CDH18: variants seen among roughly 807,000 people sequenced by gnomAD.
The protein encoded by CDH18 is cadherin-18.
Under a neutral mutation model 67.9 loss-of-function variants are expected in CDH18, and 31 were observed. That is an observed-to-expected ratio of 0.46 (90% CI 0.34 to 0.62). The LOEUF is 0.62. Ranked by LOEUF, CDH18 falls within the 20% of genes least tolerant of loss-of-function variation. CDH18 has a pLI of 0.01. For missense variants in CDH18, 890 were observed against 975.5 expected (o/e 0.91, Z 1.17); for synonymous variants, 362 against 347.2 (o/e 1.04, Z -0.48).
intron 7 of CDH18, among the ~76,000 whole-genome samples, chr5:19,576,450 C>T (rs1742331504): frequency 6.6e-6 from 1 of 151,548 alleles, no homozygotes; most frequent in Non-Finnish European, 1.5e-5. Flanking sequence ...ATAGATATTT[C>T]TCAAAAAATG....
chr5:20,562,991 G>A (rs543176009), intron 1 of CDH18, among the ~76,000 whole-genome samples: 39 of 142,554 alleles, frequency 2.7e-4, no homozygotes, highest in African/African-American at 9.9e-4. Context: ...GAGAAGGTAG[G>A]TTTTTTTTTT....
At chr5:20,138,135 C>A (rs2126509798) in intron 2 of CDH18, among the ~76,000 whole-genome samples, 1 of 152,140 alleles carries the variant, frequency 6.6e-6, no homozygotes, top group Middle Eastern at 3.4e-3. Flanking sequence ...TTGGCTTCAT[C>A]CCTGGGATGC....
intron 2 of CDH18, among the ~76,000 whole-genome samples, chr5:19,950,965 G>A (rs1325324265): frequency 1.3e-5 from 2 of 152,124 alleles, no homozygotes; most frequent in Admixed American, 6.6e-5. Flanking sequence ...CTTAGATTAG[G>A]TTATTCATTG....
At chr5:19,848,088 C>T (rs992042945) in intron 2 of CDH18, 21 of 152,154 alleles carry the variant, frequency 1.4e-4, no homozygotes, top group African/African-American at 5.1e-4. Flanking sequence ...GCAGAGGCCA[C>T]TGAGTTGTAT....
intron 5 of CDH18, among the ~76,000 whole-genome samples, chr5:19,694,679 G>T (rs1333802055): frequency 2.0e-5 from 3 of 151,750 alleles, no homozygotes; most frequent in Non-Finnish European, 1.5e-5. Flanking sequence ...GTGTGTGTCT[G>T]TGTGTGTTTA....
chr5:20,227,684 G>A (rs1406892600), intron 2 of CDH18, among the ~76,000 whole-genome samples: 1 of 151,302 alleles, frequency 6.6e-6, no homozygotes, highest in Admixed American at 6.6e-5. Context: ...ACAGGGTATC[G>A]CTATGTTGCT....
At chr5:20,366,384 C>T (rs867230038) in intron 1 of CDH18, among the ~76,000 whole-genome samples, 1 of 152,152 alleles carries the variant, frequency 6.6e-6, no homozygotes, top group African/African-American at 2.4e-5. Flanking sequence ...TTTTCCTGTT[C>T]CAATGACATG....
chr5:20,100,979 G>A (rs893114475), intron 2 of CDH18, among the ~76,000 whole-genome samples: 1 of 151,854 alleles, frequency 6.6e-6, no homozygotes, highest in Admixed American at 6.6e-5. Flanking sequence ...CTAAGACAGG[G>A]TCTCACTCCA....
At chr5:19,900,901 G>A (rs1212779888) in intron 2 of CDH18, among the ~76,000 whole-genome samples, 1 of 151,970 alleles carries the variant, frequency 6.6e-6, no homozygotes, top group Non-Finnish European at 1.5e-5. Context: ...CAGTAAAGAC[G>A]AGCCTTCCAA....
chr5:20,561,243 A>G (rs1199433852), intron 1 of CDH18, among the ~76,000 whole-genome samples: 1 of 152,130 alleles, frequency 6.6e-6, no homozygotes, highest in Admixed American at 6.6e-5. Context: ...ATCTAGAGTC[A>G]TGTTCTTTGG....
chr5:20,319,153 A>T (rs955275500), intron 1 of CDH18, among the ~76,000 whole-genome samples: 2 of 152,264 alleles, frequency 1.3e-5, no homozygotes, highest in Non-Finnish European at 1.5e-5. Context: ...ATTAAGACAC[A>T]CAGTACTTTT....
intron 1 of CDH18, among the ~76,000 whole-genome samples, chr5:20,320,577 A>G (rs1296702220): frequency 6.6e-6 from 1 of 152,194 alleles, no homozygotes; most frequent in Non-Finnish European, 1.5e-5. Flanking sequence ...CAATGAGGTA[A>G]ACAGTCAGTC....
chr5:19,548,865 C>T (rs1247695537), intron 8 of CDH18, among the ~76,000 whole-genome samples: 6 of 151,720 alleles, frequency 4.0e-5, no homozygotes, highest in Non-Finnish European at 5.9e-5. Flanking sequence ...ATTCTCTTGC[C>T]TCAGCCTCCC....
chr5:19,618,869 G>A (rs1034938439), intron 5 of CDH18, among the ~76,000 whole-genome samples: 12 of 152,076 alleles, frequency 7.9e-5, no homozygotes, highest in South Asian at 2.1e-4. Flanking sequence ...AAGAGATTTC[G>A]ATATATGTAA....
chr5:20,094,590 C>T (rs1745720092), intron 2 of CDH18, among the ~76,000 whole-genome samples: 1 of 152,134 alleles, frequency 6.6e-6, no homozygotes, highest in South Asian at 2.1e-4. Flanking sequence ...TCTTTCTACC[C>T]AGTAGCATGG....
chr5:20,376,091 A>ATTTTT lies in CDH18; in HGVS notation c.-579-120591_-579-120587dup, dbSNP rs562655039. Among the ~76,000 whole-genome samples, 169 of 49,766 alleles carry ATTTTT rather than the reference A, an allele frequency of 3.4e-3. 40 individuals carry two copies. The highest frequency in any genetic ancestry group is 4.6e-3 in the Non-Finnish European group (120 of 26,012). 32.6% of individuals were successfully genotyped at this position (49,766 alleles called of 152,430 possible). On this transcript the variant is annotated intron_variant, in intron 1 of 14. Transcript: ENST00000507958. Reference sequence around the variant, plus strand: ...ACAGTAAGCAATTTAAAAAGAAACAATTTTTTTTTTTTTTTTTTTTGAGAC... The same window carrying ATTTTT: ...ACAGTAAGCAATTTAAAAAGAAACAATTTTTTTTTTTTTTTTTTTTTTTTTGAGAC...
At chr5:20,153,161 C>A (rs1476693586) in intron 2 of CDH18, among the ~76,000 whole-genome samples, 1 of 151,926 alleles carries the variant, frequency 6.6e-6, no homozygotes, top group South Asian at 2.1e-4. Context: ...CCAGGATTGT[C>A]TCGATCTCCT....
At chr5:19,587,215 A>C (rs1011891522) in intron 7 of CDH18, among the ~76,000 whole-genome samples, 1 of 152,138 alleles carries the variant, frequency 6.6e-6, no homozygotes, top group African/African-American at 2.4e-5. Flanking sequence ...TAGTTTAATT[A>C]TTAGATTGGT....
At chr5:20,463,816 T>A (rs1751446266) in intron 1 of CDH18, among the ~76,000 whole-genome samples, 1 of 152,136 alleles carries the variant, frequency 6.6e-6, no homozygotes, top group Non-Finnish European at 1.5e-5. Flanking sequence ...TTGGTCATAT[T>A]TTTTGGGGAC....
Sources: gnomAD v4.1 joint callset for allele counts (sites outside exome capture counted in the v4.1 genomes callset) on GRCh38, gnomAD v4.1.1 for gene constraint, MANE v1.5 for transcripts, NCBI Gene and HGNC (gene_info 2026-07-23, HGNC 2026-07-21) for gene names.